ZNF91: variants seen among roughly 807,000 people sequenced by gnomAD.
ZNF91 encodes the protein zinc finger protein 91 (HPF7, HTF10).
In ZNF91, 7 loss-of-function variants were observed where a neutral mutation model predicts 12.6. The ratio of observed to expected loss-of-function variants is 0.55; its 90% CI spans 0.31 to 1.04. The LOEUF (loss-of-function observed/expected upper bound fraction) is 1.04. Among genes scored for constraint, ZNF91 ranks in the 50% least tolerant of loss-of-function variants. ZNF91 has a pLI of 0.05. For missense variants in ZNF91, 1,217 were observed against 1,385.4 expected, an observed-to-expected ratio of 0.88 and a Z score of 1.93; for synonymous variants, 453 against 462.6, an observed-to-expected ratio of 0.98 and a Z score of 0.27.
At chr19:23,328,321 T>G (rs997098451) in intron 1 of ZNF91, 1 of 152,176 alleles carries the variant, frequency 6.6e-6, no homozygotes, top group South Asian at 2.1e-4. Context: ...GATGCCAGGA[T>G]GCAGGTCAAG....
intron 2 of ZNF91, chr19:23,308,050 G>C (rs1967420405): frequency 6.6e-6 from 1 of 152,156 alleles, no homozygotes; most frequent in Non-Finnish European, 1.5e-5. Flanking sequence ...CTTTCTGCCT[G>C]GGTCTTGCCA....
Position 23,367,169 on chromosome 19 carries a change from G to A in ZNF91, c.254-4444C>T, listed in dbSNP as rs565859770. ...ATTATTCAGACATGGTACTTTGTTTGTAGTCCCAACTACTTGAGAGACTTA... is the reference window on the plus strand; with the variant it reads ...ATTATTCAGACATGGTACTTTGTTTATAGTCCCAACTACTTGAGAGACTTA... On this transcript the variant is annotated intron_variant, in intron 3 of 3. Transcript: ENST00000300619. Among the ~76,000 whole-genome samples the A allele has an allele frequency of 4.6e-5, 7 of 152,284 alleles. No individual in the cohort carries two copies. The South Asian group carries it at 1.4e-3, about 32-fold the overall frequency.
chr19:23,365,334 C>G (rs1324327677), intron 3 of ZNF91, among the ~76,000 whole-genome samples: 2 of 151,102 alleles, frequency 1.3e-5, no homozygotes, highest in East Asian at 3.9e-4. Flanking sequence ...GTCCAGGCAC[C>G]GTGGGCTGAT....
intron 3 of ZNF91, among the ~76,000 whole-genome samples, chr19:23,305,850 T>C (rs1425283697): frequency 6.6e-6 from 1 of 152,174 alleles, no homozygotes; most frequent in East Asian, 1.9e-4. Context: ...TTACATGACT[T>C]TACTATCAGC....
chr19:23,340,445 C>T (rs1968097615), intron 3 of ZNF91, among the ~76,000 whole-genome samples: 1 of 151,990 alleles, frequency 6.6e-6, no homozygotes, highest in Non-Finnish European at 1.5e-5. Flanking sequence ...ATGAATAAAT[C>T]CATGGAAACA....
intron 3 of ZNF91, among the ~76,000 whole-genome samples, chr19:23,346,761 C>T (rs1321948861): frequency 7.9e-5 from 12 of 152,164 alleles, no homozygotes; most frequent in African/African-American, 2.9e-4. Flanking sequence ...CAGCTGCTGT[C>T]CTTGCCCTTG....
At chr19:23,379,812 ACTCCTG>A (rs367867643) in intron 1 of ZNF91, among the ~76,000 whole-genome samples, 179 of 151,892 alleles carry the variant, frequency 1.2e-3, no homozygotes, top group African/African-American at 4.3e-3. Flanking sequence ...TGACTAGTGC[ACTCCTG>A]CTTCCCCTCT....
At chr19:23,324,729 C>G (rs543118975) in intron 1 of ZNF91, 6 of 152,226 alleles carry the variant, frequency 3.9e-5, no homozygotes, top group African/African-American at 1.4e-4. Flanking sequence ...AGGCGTGGCC[C>G]ATCACACCTG....
chr19:23,311,269 G>A (rs190358630), upstream of ZNF91, among the ~76,000 whole-genome samples: 20 of 152,088 alleles, frequency 1.3e-4, no homozygotes, highest in Admixed American at 5.2e-4. Context: ...GTTGATGTGC[G>A]CTGCATCCAG....
intron 1 of ZNF91, among the ~76,000 whole-genome samples, chr19:23,375,449 A>T (rs999917266): frequency 6.6e-6 from 1 of 152,100 alleles, no homozygotes; most frequent in Non-Finnish European, 1.5e-5. Context: ...ATGAGCCACC[A>T]TGCCTGGCCA....
At chr19:23,392,002 A>T (rs1970078767) in intron 1 of ZNF91, among the ~76,000 whole-genome samples, 1 of 152,234 alleles carries the variant, frequency 6.6e-6, no homozygotes, top group Non-Finnish European at 1.5e-5. Context: ...GAAAAGTTTA[A>T]GGTGTTTACA....
intron 1 of ZNF91, among the ~76,000 whole-genome samples, chr19:23,378,739 A>C (rs988769848): frequency 1.1e-4 from 16 of 152,226 alleles, no homozygotes; most frequent in African/African-American, 3.9e-4. Context: ...ATTTTTGCAC[A>C]CATCTATTTA....
intron 1 of ZNF91, chr19:23,384,993 GA>G: frequency 2.5e-6 from 3 of 1,184,738 alleles, no homozygotes; most frequent in Non-Finnish European, 2.5e-6. Flanking sequence ...AAGGTCAGGA[GA>G]AAAGCAGTCT....
chr19:23,327,280 C>T (rs1967854657), intron 1 of ZNF91: 2 of 152,000 alleles, frequency 1.3e-5, no homozygotes, highest in African/African-American at 4.8e-5. Flanking sequence ...ACATACTTTA[C>T]CCTGATACTT....
chr19:23,369,349 AG>A (rs1969165720), intron 3 of ZNF91, among the ~76,000 whole-genome samples: 2 of 149,356 alleles, frequency 1.3e-5, no homozygotes, highest in African/African-American at 4.9e-5. Flanking sequence ...GGTGGGGGGC[AG>A]CCCCCACCCG....
At chr19:23,310,649 A>G (rs1967455801), upstream of ZNF91, 1 of 152,168 alleles carries the variant, frequency 6.6e-6, no homozygotes, top group South Asian at 2.1e-4. Flanking sequence ...GACTCTCCTT[A>G]TGTGGGCCCA....
chr19:23,374,808 G>C (rs2145099871), intron 1 of ZNF91, 44 bp from the exon 2 acceptor site: 1 of 1,593,742 alleles, frequency 6.3e-7, no homozygotes, highest in Non-Finnish European at 8.5e-7. Context: ...AGTGGCTATG[G>C]GCAGAATTTT....
intron 3 of ZNF91, among the ~76,000 whole-genome samples, chr19:23,369,670 T>C (rs1213408622): frequency 1.3e-5 from 2 of 152,132 alleles, no homozygotes; most frequent in Non-Finnish European, 2.9e-5. Context: ...AGAAAAATTC[T>C]TCTGCCTTGG....
At chr19:23,344,173 C>G (rs1177715919) in intron 3 of ZNF91, among the ~76,000 whole-genome samples, 2 of 152,092 alleles carry the variant, frequency 1.3e-5, no homozygotes, top group Non-Finnish European at 2.9e-5. Context: ...TGGCTTACTG[C>G]AAGCTCCACC....
Sources: allele counts gnomAD v4.1 joint callset (sites outside exome capture counted in the v4.1 genomes callset), GRCh38; gene constraint gnomAD v4.1.1; transcripts MANE v1.5; gene names NCBI Gene and HGNC (gene_info 2026-07-23, HGNC 2026-07-21).